Variants in POU2F2 observed in about 807,000 individuals in gnomAD.
POU2F2 encodes POU domain, class 2, transcription factor 2.
A neutral mutation model predicts 63.5 loss-of-function variants in POU2F2; 14 were observed. The ratio of observed to expected loss-of-function variants is 0.22; its 90% CI spans 0.15 to 0.34. POU2F2 has a LOEUF of 0.34. Ranked by LOEUF, POU2F2 falls within the 10% of genes least tolerant of loss-of-function variation. POU2F2 has a pLI of 1.00. For missense variants in POU2F2, 607 were observed against 815.2 expected (o/e 0.74, Z 3.11); for synonymous variants, 306 against 348.6 (o/e 0.88, Z 1.36).
chr19:42,179,647 T>A (rs2034938418), upstream of POU2F2, among the ~76,000 whole-genome samples: 1 of 151,924 alleles, frequency 6.6e-6, no homozygotes, highest in African/African-American at 2.4e-5. Flanking sequence ...GCATACTGAG[T>A]GGACACGCGG....
At position 42,152,053 on chromosome 19, in the gene POU2F2, G is replaced by A. The variant is rs529851130; in HGVS notation, c.-9+8279C>T. On this transcript the variant is annotated intron_variant, in intron 2 of 6. Coordinates refer to the POU2F2 transcript ENST00000524801. The surrounding 1 kb of genome is among the most constrained non-coding windows in gnomAD (Gnocchi z 4.1). The stretch of plus-strand genomic sequence containing the variant: ...TTCCCCTTTTGCCCATGGCTACAGT[G>A]AAGGAGGAGGATTCACACTCTGGTT... 3.3e-5 allele frequency among the ~76,000 whole-genome samples: 5 copies of A among 152,282 alleles called. No individual in the cohort carries two copies. The highest frequency in any genetic ancestry group is 1.2e-4 in the African/African-American group (5 of 41,550).
chr19:42,122,960 G>A (rs1250766058), intron 1 of POU2F2, among the ~76,000 whole-genome samples: 1 of 152,186 alleles, frequency 6.6e-6, no homozygotes, highest in Non-Finnish European at 1.5e-5. Context: ...CTCCTGGGGC[G>A]GGCCGCCCAG....
chr19:42,143,255 T>C (rs1207521972), intron 2 of POU2F2, among the ~76,000 whole-genome samples: 1 of 151,998 alleles, frequency 6.6e-6, no homozygotes, highest in Non-Finnish European at 1.5e-5. Context: ...TCCCAGCTAC[T>C]CAGGAGGCTA....
At position 42,117,098 on chromosome 19, in the gene POU2F2, A is replaced by G. The variant is rs950069379; in HGVS notation, c.369+152T>C. 1 of 703,392 alleles carries G rather than the reference A, an allele frequency of 1.4e-6. No individual in the cohort carries two copies. Among genetic ancestry groups the G allele is most frequent in the Non-Finnish European group, 2.5e-6 (1 of 403,762 alleles). 43.6% of individuals were successfully genotyped at this position (703,392 alleles called of 1,614,324 possible). A position where few individuals can be genotyped will look rare whatever the true frequency, so the allele number is the denominator to read the frequency against. ...GGTTAGTGCCTAAGCCAAGCAAGTA[A>G]GGGGACAAGACCTCCTAGAGGACAG... On this transcript the variant is annotated intron_variant, in intron 5 of 14. Coordinates refer to ENST00000692977, the MANE Select transcript of POU2F2 (RefSeq NM_001394376.1). This position sits in a 1 kb window ranked among gnomAD's most constrained non-coding sequence, Gnocchi z 4.4.
chr19:42,193,888 C>T (rs2035100123), intron 1 of POU2F2, among the ~76,000 whole-genome samples: 3 of 152,170 alleles, frequency 2.0e-5, no homozygotes, highest in Non-Finnish European at 2.9e-5. Context: ...AGTGCATGAA[C>T]TCATTGTGTA....
chr19:42,121,150 T>A, intron 4 of POU2F2, among the ~76,000 whole-genome samples: 1 of 151,930 alleles, frequency 6.6e-6, no homozygotes, highest in East Asian at 1.9e-4. Flanking sequence ...GAGGACAGGG[T>A]GGGGGCAATG....
upstream of POU2F2, among the ~76,000 whole-genome samples, chr19:42,177,985 G>C (rs1187231653): frequency 3.3e-5 from 5 of 152,008 alleles, no homozygotes; most frequent in African/African-American, 1.2e-4. Flanking sequence ...GGGAGCACAG[G>C]GGACTCAAAG....
Position 42,095,812 on chromosome 19 carries a change from G to A in POU2F2, c.847C>T (p.Leu283=). 2 of 1,614,064 alleles carry A rather than the reference G, an allele frequency of 1.2e-6. No homozygotes were observed. Among genetic ancestry groups the A allele is most frequent in the Non-Finnish European group, 1.7e-6 (2 of 1,179,938 alleles). Residue 283 remains leucine, a synonymous_variant, in exon 9 of 15, where the codon CTG becomes TTG. Transcript: ENST00000692977. The surrounding 1 kb of genome is among the most constrained non-coding windows in gnomAD (Gnocchi z 7.1). ...CCTGCATCGTTGAGCCACTTCTCCA[G>A]GAGGGGCTTGAGTTTGCACATGTTC... ...FKNMCKLKPL[L]EKWLNDAETM...
At chr19:42,128,840 T>A (rs1224501701) in intron 1 of POU2F2, among the ~76,000 whole-genome samples, 1 of 146,110 alleles carries the variant, frequency 6.8e-6, no homozygotes, top group African/African-American at 2.5e-5. Flanking sequence ...GTGATTCTCT[T>A]TTTTTTTTTT....
At chr19:42,179,631 C>A (rs550873122), upstream of POU2F2, among the ~76,000 whole-genome samples, 3 of 152,204 alleles carry the variant, frequency 2.0e-5, no homozygotes, top group African/African-American at 7.2e-5. Flanking sequence ...AGCAAGGCTA[C>A]CCCATGCATA....
chr19:42,165,940 T>C (rs2034641161), intron 1 of POU2F2, among the ~76,000 whole-genome samples: 1 of 152,234 alleles, frequency 6.6e-6, no homozygotes, highest in South Asian at 2.1e-4. Context: ...AATATATTCC[T>C]TTGTTCATTC....
rs2032718401 is a variant in POU2F2, at chr19:42,122,274, C to T, written c.129+70G>A. On this transcript the variant is annotated intron_variant, in intron 3 of 14. Coordinates refer to ENST00000692977, the MANE Select transcript of POU2F2 (RefSeq NM_001394376.1). ...CTCCCTGCCCTCCTACCATAGGCGG[C>T]ACAGAGCCCCCTCTGAACCCCTCTC... is the stretch of plus-strand genomic sequence containing the variant. The T allele has an allele frequency of 3.2e-6, 5 of 1,549,532 alleles. No individual in the cohort carries two copies. In the East Asian group the frequency reaches 9.1e-5, roughly 28 times the overall value.
At chr19:42,187,761 C>CAAAA (rs745767404) in intron 1 of POU2F2, among the ~76,000 whole-genome samples, 72 of 49,916 alleles carry the variant, frequency 1.4e-3, no homozygotes, top group African/African-American at 4.5e-3. Context: ...GACTCCATCA[C>CAAAA]AAAAAAAAAA....
chr19:42,180,570 C>T (rs2034949367), upstream of POU2F2, among the ~76,000 whole-genome samples: 1 of 152,176 alleles, frequency 6.6e-6, no homozygotes, highest in African/African-American at 2.4e-5. Flanking sequence ...GGGCAGAGAC[C>T]AAGGATGTCC....
In POU2F2 at chr19:42,096,204, G is replaced by A. The variant is rs751224249; in HGVS notation, c.607C>T (p.His203Tyr). 5.6e-6 allele frequency: 9 copies of A among 1,611,840 alleles called. No homozygotes were observed. The South Asian group carries it at 7.7e-5, about 14-fold the overall frequency. Reference protein sequence around the residue: ...RPTLPDPHLSHPQPPKCLEPP... With the variant: ...RPTLPDPHLSYPQPPKCLEPP... Reference sequence around the variant, plus strand: ...TCCAAGCATTTGGGGGGCTGCGGGTGCGAGAGGTGCGGGTCGGGCAGCGTA... The same window carrying A: ...TCCAAGCATTTGGGGGGCTGCGGGTACGAGAGGTGCGGGTCGGGCAGCGTA... Residue 203 changes from histidine (H) to tyrosine (Y), a missense_variant, in exon 8 of 15, where the codon CAC becomes TAC. By Grantham distance (83) the His-to-Tyr change is moderately conservative. Transcript: ENST00000692977. The surrounding 1 kb of genome is among the most constrained non-coding windows in gnomAD (Gnocchi z 4.1).
chr19:42,099,375 T>A, intron 7 of POU2F2, 152 bp downstream of exon 7: 1 of 681,278 alleles, frequency 1.5e-6, no homozygotes, highest in Non-Finnish European at 2.5e-6. Flanking sequence ...GACAGGGAGA[T>A]GGGCTTGCCT....
At chr19:42,130,668 A>T (rs1170630925) in intron 1 of POU2F2, among the ~76,000 whole-genome samples, 3 of 151,744 alleles carry the variant, frequency 2.0e-5, no homozygotes, top group Non-Finnish European at 4.4e-5. Flanking sequence ...CACCTCAACA[A>T]ATAAACATGT....
chr19:42,105,911 A>C (rs1315395672), intron 5 of POU2F2, among the ~76,000 whole-genome samples: 1 of 151,896 alleles, frequency 6.6e-6, no homozygotes, highest in Non-Finnish European at 1.5e-5. Context: ...TTGTGCCCTG[A>C]ATTCTTCAGC....
upstream of POU2F2, among the ~76,000 whole-genome samples, chr19:42,176,805 C>A (rs1182245226): frequency 6.6e-6 from 1 of 151,624 alleles, no homozygotes; most frequent in African/African-American, 2.4e-5. Context: ...GGGCCGGGGC[C>A]GCGGCGGCGG....
Sources: allele counts gnomAD v4.1 joint callset (sites outside exome capture counted in the v4.1 genomes callset), GRCh38; gene constraint gnomAD v4.1.1; non-coding constraint Gnocchi (gnomAD v3.1); transcripts MANE v1.5; gene names NCBI Gene and HGNC (gene_info 2026-07-23, HGNC 2026-07-21).